The following MARCHF11 variants were observed in gnomAD, a reference collection of about 807,000 sequenced individuals.
MARCHF11 encodes E3 ubiquitin-protein ligase MARCHF11.
In MARCHF11, 29 loss-of-function variants were observed where a neutral mutation model predicts 37.3. The observed-to-expected ratio is 0.78, with a 90% confidence interval of 0.58 to 1.06. The LOEUF (loss-of-function observed/expected upper bound fraction) is 1.06, where lower values mean the gene tolerates loss of function less well. Among genes scored for constraint, MARCHF11 ranks in the 50% least tolerant of loss-of-function variants. The pLI is 0.00. For missense variants in MARCHF11, 482 were observed against 533.4 expected (o/e 0.90, Z 0.95); for synonymous variants, 233 against 228.0 (o/e 1.02, Z -0.20).
At position 16,132,315 on chromosome 5, in the gene MARCHF11, A is replaced by G. The variant is rs140245366; in HGVS notation, c.694-41234T>C. ...ATGTTCCTTTTCGTCTGATCTCATC[A>G]ACCTTCAGGCCAGCCAGGTGGGTCC... is the stretch of plus-strand genomic sequence containing the variant. On this transcript the variant is annotated intron_variant, in intron 2 of 3. Transcript: ENST00000332432. Among the ~76,000 whole-genome samples the G allele has an allele frequency of 1.8e-3, 267 of 152,328 alleles. 2 individuals are homozygous for G. Among genetic ancestry groups the G allele is most frequent in the African/African-American group, 6.3e-3 (260 of 41,584 alleles).
At chr5:16,113,378 C>T (rs1737179480) in intron 2 of MARCHF11, among the ~76,000 whole-genome samples, 1 of 152,152 alleles carries the variant, frequency 6.6e-6, no homozygotes, top group African/African-American at 2.4e-5. Flanking sequence ...GACTAGTGAT[C>T]ACACGAAAAG....
At chr5:16,130,251 T>TAC (rs56978661) in intron 2 of MARCHF11, among the ~76,000 whole-genome samples, 30,038 of 144,198 alleles carry the variant, frequency 0.21, 2,989 homozygotes, top group South Asian at 0.32. Context: ...TCCAGGTACA[T>TAC]ACACACACAC....
Position 16,177,774 on chromosome 5 carries a change from G to A in MARCHF11, c.645C>T (p.Cys215=). The A allele has an allele frequency of 6.2e-7, 1 of 1,613,674 alleles. No individual in the cohort carries two copies. Among genetic ancestry groups the A allele is most frequent in the Non-Finnish European group, 8.5e-7 (1 of 1,179,762 alleles). The change falls in exon 2 of 4, where the codon TGC becomes TGT. Residue 215 remains cysteine, a synonymous_variant. Transcript: ENST00000332432. ...SERGSWTCEL[C]CYRYHVIAIK... ...TGGCTATAACATGGTATCTATAACA[G>A]CAAAGTTCACAGGTCCAGGAACCTC... is the stretch of plus-strand genomic sequence containing the variant.
At chr5:16,104,537 T>A (rs1441281035) in intron 2 of MARCHF11, among the ~76,000 whole-genome samples, 2 of 152,190 alleles carry the variant, frequency 1.3e-5, no homozygotes, top group African/African-American at 2.4e-5. Context: ...GCAAAATGAA[T>A]AAAATCTTCT....
At chr5:16,107,564 G>A (rs1560976525) in intron 2 of MARCHF11, among the ~76,000 whole-genome samples, 1 of 152,090 alleles carries the variant, frequency 6.6e-6, no homozygotes, top group Non-Finnish European at 1.5e-5. Flanking sequence ...ACAGGAGACA[G>A]GGAAATACTG....
At chr5:16,174,273 T>C (rs1446918014) in intron 2 of MARCHF11, among the ~76,000 whole-genome samples, 2 of 152,214 alleles carry the variant, frequency 1.3e-5, no homozygotes, top group Admixed American at 6.5e-5. Context: ...ATAAATAAAA[T>C]AGATTCTGCC....
At chr5:16,164,851 A>C (rs1426956202) in intron 2 of MARCHF11, among the ~76,000 whole-genome samples, 1 of 152,058 alleles carries the variant, frequency 6.6e-6, no homozygotes, top group Non-Finnish European at 1.5e-5. Flanking sequence ...CCTTAAAGGA[A>C]CATTTTAACA....
At chr5:16,158,175 A>T (rs1738010117) in intron 2 of MARCHF11, among the ~76,000 whole-genome samples, 1 of 151,940 alleles carries the variant, frequency 6.6e-6, no homozygotes, top group African/African-American at 2.4e-5. Context: ...GACGAAAGAT[A>T]AGTGTTGGCA....
intron 2 of MARCHF11, among the ~76,000 whole-genome samples, chr5:16,168,533 TAGG>T (rs1279425195): frequency 1.3e-5 from 2 of 152,144 alleles, no homozygotes; most frequent in African/African-American, 4.8e-5. Flanking sequence ...AAAGACTGTT[TAGG>T]AGGAGACGGA....
At chr5:16,110,182 T>C (rs892997386) in intron 2 of MARCHF11, among the ~76,000 whole-genome samples, 1 of 152,208 alleles carries the variant, frequency 6.6e-6, no homozygotes, top group Non-Finnish European at 1.5e-5. Flanking sequence ...CTCTTGGTTC[T>C]CTAGAAAAAC....
intron 2 of MARCHF11, among the ~76,000 whole-genome samples, chr5:16,175,195 A>G (rs1401814617): frequency 1.3e-5 from 2 of 152,212 alleles, no homozygotes; most frequent in East Asian, 3.8e-4. Flanking sequence ...CATGCAGAGA[A>G]AGACATCTCA....
intron 3 of MARCHF11, among the ~76,000 whole-genome samples, chr5:16,072,206 A>G (rs1010801936): frequency 6.6e-6 from 1 of 152,186 alleles, no homozygotes; most frequent in Non-Finnish European, 1.5e-5. Context: ...CTGAGATTGG[A>G]ACACAAATTT....
At chr5:16,163,375 T>TA (rs562094169) in intron 2 of MARCHF11, among the ~76,000 whole-genome samples, 51 of 151,888 alleles carry the variant, frequency 3.4e-4, no homozygotes, top group Non-Finnish European at 6.6e-4. Flanking sequence ...ATCTAGGGAT[T>TA]AAAAAAAACA....
At chr5:16,080,731 T>A (rs892140024) in intron 3 of MARCHF11, among the ~76,000 whole-genome samples, 2 of 152,222 alleles carry the variant, frequency 1.3e-5, no homozygotes, top group African/African-American at 4.8e-5. Flanking sequence ...ATTAATCCCT[T>A]TTAATTCTAG....
chr5:16,179,237 T>C lies in MARCHF11; in HGVS notation c.339A>G (p.Ala113=). The part of the protein sequence containing the change: ...GEGPRRLPEA[A]AAKGGPGESE... ...ACTCCCCGGGGCCGCCTTTCGCTGC[T>C]GCCGCCTCCGGGAGGCGCCTCGGAC... The change falls in exon 1 of 4, where the codon GCA becomes GCG. Residue 113 remains alanine (A), a synonymous_variant. Transcript: ENST00000332432. The C allele has an allele frequency of 7.4e-7, 1 of 1,344,670 alleles. No individual in the cohort carries two copies. Among genetic ancestry groups the C allele is most frequent in the Non-Finnish European group, 9.5e-7 (1 of 1,048,526 alleles). 83.3% of individuals were successfully genotyped at this position (1,344,670 alleles called of 1,614,324 possible).
chr5:16,118,783 T>A (rs910025008), intron 2 of MARCHF11, among the ~76,000 whole-genome samples: 1 of 152,122 alleles, frequency 6.6e-6, no homozygotes, highest in African/African-American at 2.4e-5. Context: ...CAGGTCATGA[T>A]TGGCTTTGGC....
rs1361147571 is a variant in MARCHF11 at position 16,119,537 on chromosome 5, C to T, written c.694-28456G>A. On this transcript the variant is annotated intron_variant, in intron 2 of 3. Transcript: ENST00000332432. ...AGATGCCTCTCTGGGAGAGACATCA[C>T]CCAGGGACCACAGCCCTGACATGCT... Among the ~76,000 whole-genome samples the T allele has an allele frequency of 2.0e-5, 3 of 152,026 alleles. 1 individual carries two copies. Among genetic ancestry groups the T allele is most frequent in the Non-Finnish European group, 2.9e-5 (2 of 68,008 alleles).
intron 2 of MARCHF11, among the ~76,000 whole-genome samples, chr5:16,114,607 T>G (rs1429991996): frequency 6.6e-6 from 1 of 152,106 alleles, no homozygotes; most frequent in African/African-American, 2.4e-5. Context: ...ACCAGTAGGA[T>G]CAGAGGATCC....
intron 2 of MARCHF11, among the ~76,000 whole-genome samples, chr5:16,126,607 A>T: frequency 6.6e-6 from 1 of 152,242 alleles, no homozygotes. Flanking sequence ...AACTATGAGT[A>T]TATGGTGGTT....
Sources: allele counts gnomAD v4.1 joint callset (sites outside exome capture counted in the v4.1 genomes callset), GRCh38; gene constraint gnomAD v4.1.1; transcripts MANE v1.5; gene names NCBI Gene and HGNC (gene_info 2026-07-23, HGNC 2026-07-21).